Variants in KIAA1328 observed in about 807,000 individuals in gnomAD.
KIAA1328 encodes KIAA1328.
A neutral mutation model predicts 68.1 loss-of-function variants in KIAA1328; 52 were observed. The ratio of observed to expected loss-of-function variants is 0.76; its 90% CI spans 0.61 to 0.96. KIAA1328 has a LOEUF of 0.96. Among genes scored for constraint, KIAA1328 ranks in the 40% least tolerant of loss-of-function variants. KIAA1328 has a pLI of 0.00. For missense variants in KIAA1328, 641 were observed against 677.6 expected, an observed-to-expected ratio of 0.95 and a Z score of 0.60; for synonymous variants, 232 against 239.4, an observed-to-expected ratio of 0.97 and a Z score of 0.28.
intron 6 of KIAA1328, among the ~76,000 whole-genome samples, chr18:37,033,979 A>T (rs2054931492): frequency 6.6e-6 from 1 of 152,194 alleles, no homozygotes; most frequent in African/African-American, 2.4e-5. Flanking sequence ...CATTGTTCAG[A>T]CCAGTTGTAT....
chr18:37,072,979 T>C (rs1015878309), intron 7 of KIAA1328, among the ~76,000 whole-genome samples: 14 of 152,198 alleles, frequency 9.2e-5, no homozygotes, highest in Non-Finnish European at 1.8e-4. Context: ...AAACTGAAAC[T>C]GGACCTCTTC....
intron 5 of KIAA1328, among the ~76,000 whole-genome samples, chr18:36,900,025 T>G (rs1294343088): frequency 1.3e-5 from 2 of 151,948 alleles, no homozygotes; most frequent in Non-Finnish European, 2.9e-5. Flanking sequence ...GGATTTCTGT[T>G]ATATTAGACA....
chr18:37,058,158 GT>G (rs1334690448), intron 6 of KIAA1328, among the ~76,000 whole-genome samples: 1 of 152,134 alleles, frequency 6.6e-6, no homozygotes, highest in Non-Finnish European at 1.5e-5. Flanking sequence ...TGCTGCTTGG[GT>G]TATGTGCAGA....
intron 7 of KIAA1328, among the ~76,000 whole-genome samples, chr18:37,133,257 G>A (rs377560094): frequency 7.1e-4 from 108 of 151,884 alleles, no homozygotes; most frequent in African/African-American, 2.5e-3. Context: ...GCTTGAACCC[G>A]GGAGGCAGAG....
intron 6 of KIAA1328, among the ~76,000 whole-genome samples, chr18:37,027,770 A>G (rs1295257535): frequency 1.3e-5 from 2 of 152,148 alleles, no homozygotes; most frequent in Non-Finnish European, 2.9e-5. Flanking sequence ...AAACCCTAGA[A>G]GAAAACCTAG....
intron 7 of KIAA1328, among the ~76,000 whole-genome samples, chr18:37,130,589 G>A (rs1010317159): frequency 1.3e-5 from 2 of 152,018 alleles, no homozygotes; most frequent in Non-Finnish European, 2.9e-5. Flanking sequence ...CTGCACTCCA[G>A]CCTGGAGACA....
intron 5 of KIAA1328, 102 bp from the exon 6 acceptor site, chr18:36,959,206 G>A (rs1000701380): frequency 2.5e-5 from 27 of 1,088,934 alleles, no homozygotes; most frequent in African/African-American, 3.3e-5. Context: ...AAATATGATT[G>A]CATTTCTGGT....
At chr18:37,159,608 A>G (rs546975226) in intron 7 of KIAA1328, among the ~76,000 whole-genome samples, 2 of 152,288 alleles carry the variant, frequency 1.3e-5, no homozygotes, top group Admixed American at 6.5e-5. Flanking sequence ...TTTATTAGAG[A>G]AGAAAATATG....
At chr18:37,164,157 T>TAA (rs1295121398) in intron 8 of KIAA1328, among the ~76,000 whole-genome samples, 1 of 152,208 alleles carries the variant, frequency 6.6e-6, no homozygotes, top group Non-Finnish European at 1.5e-5. Context: ...CGTCAGAATA[T>TAA]AAGTTCCATA....
intron 5 of KIAA1328, among the ~76,000 whole-genome samples, chr18:36,941,665 C>T (rs1425576557): frequency 6.6e-6 from 1 of 152,058 alleles, no homozygotes; most frequent in African/African-American, 2.4e-5. Flanking sequence ...GTAATACTCT[C>T]ATGGAAATAG....
chr18:36,926,383 C>CTATTTATTTATT (rs72299711), intron 5 of KIAA1328, among the ~76,000 whole-genome samples: 252 of 147,126 alleles, frequency 1.7e-3, no homozygotes, highest in African/African-American at 5.7e-3. Context: ...CTCTCTCTCT[C>CTATTTATTTATT]TATTTATTTA....
At chr18:37,212,425 C>T (rs1437178454) in intron 9 of KIAA1328, among the ~76,000 whole-genome samples, 1 of 152,048 alleles carries the variant, frequency 6.6e-6, no homozygotes, top group Non-Finnish European at 1.5e-5. Context: ...GAGGGCAGGG[C>T]CAATAACATA....
At chr18:37,043,255 C>T (rs2055330882) in intron 6 of KIAA1328, among the ~76,000 whole-genome samples, 1 of 152,090 alleles carries the variant, frequency 6.6e-6, no homozygotes, top group African/African-American at 2.4e-5. Flanking sequence ...AGAAACAGTT[C>T]CACTTTCTAT....
At chr18:36,838,895 C>T (rs577761538) in intron 3 of KIAA1328, among the ~76,000 whole-genome samples, 14 of 152,178 alleles carry the variant, frequency 9.2e-5, no homozygotes, top group South Asian at 4.1e-4. Context: ...CCGCCACACC[C>T]GGCTAATTTT....
chr18:37,040,174 C>A (rs2055190575), intron 6 of KIAA1328, among the ~76,000 whole-genome samples: 1 of 152,178 alleles, frequency 6.6e-6, no homozygotes, highest in Admixed American at 6.6e-5. Context: ...TCTGAATGAT[C>A]TTTTTTTGCC....
At chr18:36,964,848 T>A (rs1310253579) in intron 6 of KIAA1328, among the ~76,000 whole-genome samples, 1 of 152,072 alleles carries the variant, frequency 6.6e-6, no homozygotes, top group African/African-American at 2.4e-5. Context: ...TTTTGGTCAA[T>A]GTACATTTTA....
At chr18:37,045,557 T>C (rs1308255824) in intron 6 of KIAA1328, among the ~76,000 whole-genome samples, 2 of 152,166 alleles carry the variant, frequency 1.3e-5, no homozygotes, top group Non-Finnish European at 2.9e-5. Flanking sequence ...CCTTATTGAC[T>C]TCATAGTACT....
chr18:37,138,948 C>CTTTTTTTT lies in KIAA1328; in HGVS notation c.1233-21233_1233-21226dup, dbSNP rs869053490. ...AATATTTCATGTATGAAATTTTGTT[C>CTTTTTTTT]TTTTTTTTTTTTTTTTTTTTTTTTT... On this transcript the variant is annotated intron_variant, in intron 7 of 9. Transcript: ENST00000280020. 1.6e-4 allele frequency among the ~76,000 whole-genome samples: 12 copies of CTTTTTTTT among 74,120 alleles called. 2 individuals carry two copies. The highest frequency in any genetic ancestry group is 2.1e-4 in the Non-Finnish European group (9 of 41,912). 48.6% of individuals were successfully genotyped at this position (74,120 alleles called of 152,430 possible). A position where few individuals can be genotyped will look rare whatever the true frequency, so the allele number is the denominator to read the frequency against.
chr18:37,068,302 T>A (rs768082733), intron 7 of KIAA1328, among the ~76,000 whole-genome samples: 2 of 152,020 alleles, frequency 1.3e-5, no homozygotes, highest in Non-Finnish European at 2.9e-5. Flanking sequence ...GTGATGGGAG[T>A]CTTCTAAATT....
Sources: allele counts gnomAD v4.1 joint callset (sites outside exome capture counted in the v4.1 genomes callset), GRCh38; gene constraint gnomAD v4.1.1; transcripts MANE v1.5; gene names NCBI Gene and HGNC (gene_info 2026-07-23, HGNC 2026-07-21).